SUZ12: variants seen among roughly 807,000 people sequenced by gnomAD.
SUZ12 encodes the protein SUZ12 polycomb repressive complex 2 subunit, also known as polycomb protein SUZ12.
Under a neutral mutation model 87.3 loss-of-function variants are expected in SUZ12, and 17 were observed. The observed-to-expected ratio is 0.19, with a 90% CI of 0.13 to 0.29. The LOEUF is 0.29. SUZ12 is among the 10% of genes least tolerant of loss of function. The pLI is 1.00. For synonymous variants in SUZ12, 253 were observed against 312.4 expected, an observed-to-expected ratio of 0.81 and a Z score of 2.01; for missense variants, 526 against 912.2, an observed-to-expected ratio of 0.58 and a Z score of 5.45.
At chr17:31,941,933 A>G (rs1357680424) in intron 3 of SUZ12, among the ~76,000 whole-genome samples, 3 of 151,560 alleles carry the variant, frequency 2.0e-5, no homozygotes, top group Non-Finnish European at 4.4e-5. Context: ...GCTCACTGCA[A>G]CCTCCGCTTC....
chr17:31,998,643 G>C lies in SUZ12; in HGVS notation c.1875-15G>C. On this transcript the variant is annotated splice_polypyrimidine_tract_variant and intron_variant, in intron 15 of 15. Coordinates refer to ENST00000322652, the MANE Select transcript of SUZ12 (RefSeq NM_015355.4). ...TGCTTTGTATTGCTATTCATATTCT[G>C]TTTTTATTAAATAGGTTTATTGCTG... is the stretch of plus-strand genomic sequence containing the variant. The C allele has an allele frequency of 6.6e-7, 1 of 1,514,878 alleles. No homozygotes were observed. The highest frequency in any genetic ancestry group is 8.8e-7 in the Non-Finnish European group (1 of 1,133,560). The allele number at this position is 1,514,878 out of a possible 1,614,324, so 93.8% of individuals were successfully genotyped here. A position where few individuals can be genotyped will look rare whatever the true frequency, so the allele number is the denominator to read the frequency against.
intron 1 of SUZ12, among the ~76,000 whole-genome samples, chr17:31,939,631 C>CTCCTTGA (rs1361487395): frequency 6.6e-6 from 1 of 151,684 alleles, no homozygotes; most frequent in African/African-American, 2.4e-5. Flanking sequence ...TCAAGTGATT[C>CTCCTTGA]TCCTGCCTCA....
At chr17:31,955,408 A>G (rs907549465) in intron 4 of SUZ12, among the ~76,000 whole-genome samples, 19 of 152,086 alleles carry the variant, frequency 1.2e-4, no homozygotes, top group African/African-American at 3.4e-4. Flanking sequence ...CAGCCTACCG[A>G]ATAGCCTAGG....
At chr17:31,941,669 C>T (rs1322989387) in intron 3 of SUZ12, among the ~76,000 whole-genome samples, 1 of 151,734 alleles carries the variant, frequency 6.6e-6, no homozygotes, top group Non-Finnish European at 1.5e-5. Context: ...CCTCCTTCAG[C>T]CTCCTTAGTA....
intron 1 of SUZ12, among the ~76,000 whole-genome samples, chr17:31,938,055 A>AT (rs977769311): frequency 1.3e-5 from 2 of 151,482 alleles, no homozygotes; most frequent in Admixed American, 1.3e-4. Context: ...CTATCCACCC[A>AT]TTTTGTGGAT....
chr17:31,945,156 T>G (rs955638547), intron 3 of SUZ12, among the ~76,000 whole-genome samples: 4 of 151,942 alleles, frequency 2.6e-5, no homozygotes, highest in Admixed American at 6.6e-5. Flanking sequence ...ATTAAGAAAT[T>G]AAAGCACAAC....
chr17:31,986,741 G>A (rs569686734), intron 9 of SUZ12, among the ~76,000 whole-genome samples: 12 of 152,182 alleles, frequency 7.9e-5, no homozygotes, highest in Non-Finnish European at 1.6e-4. Flanking sequence ...TAGTAGAGAC[G>A]GGGTTTCACC....
Position 31,998,930 on chromosome 17 carries a change from A to G in SUZ12, c.2147A>G (p.Asn716Ser), listed in dbSNP as rs115100527. 6.0e-5 allele frequency: 97 copies of G among 1,610,606 alleles called. No individual in the cohort carries two copies. Among genetic ancestry groups the G allele is most frequent in the Non-Finnish European group, 7.8e-5 (92 of 1,179,112 alleles). ...ACAGCAAATGGATTTAGTGAAATTA[A>G]CTCAAAAGAGAAAGCTTTGGAAACA... ...NGTANGFSEI[N>S]SKEKALETDS... Residue 716 changes from asparagine to serine, a missense_variant, in exon 16 of 16, where the codon AAC becomes AGC. Physicochemically the swap from Asn to Ser is conservative, Grantham distance 46. Coordinates refer to ENST00000322652, the MANE Select transcript of SUZ12 (RefSeq NM_015355.4).
At chr17:31,993,796 T>C (rs991956071) in intron 11 of SUZ12, 69 bp from the exon 12 acceptor site, 4 of 1,438,472 alleles carry the variant, frequency 2.8e-6, no homozygotes, top group Non-Finnish European at 3.8e-6. Context: ...TTTTTAGAAG[T>C]GATATTTAAA....
Position 31,937,454 on chromosome 17 carries a change from C to T in SUZ12, c.208C>T (p.Pro70Ser). 1 of 1,541,658 alleles carries T rather than the reference C, an allele frequency of 6.5e-7. No individual in the cohort carries two copies. Among genetic ancestry groups the T allele is most frequent in the Non-Finnish European group, 8.7e-7 (1 of 1,145,260 alleles). ...GGCAGCGGCGGGGGCTGCGGTGTTA[C>T]CGGTGAAGAAGCCGAAAATGGAGCA... ...AAAAAGAAVL[P>S]VKKPKMEHVQ... The change falls in exon 1 of 16, where the codon CCG (proline) becomes TCG (serine). Residue 70 changes from proline (P) to serine (S), a missense_variant. Transcript: ENST00000322652.
At chr17:31,955,924 G>A (rs1291988226) in intron 4 of SUZ12, among the ~76,000 whole-genome samples, 1 of 151,028 alleles carries the variant, frequency 6.6e-6, no homozygotes, top group Non-Finnish European at 1.5e-5. Flanking sequence ...ATTATTTTTT[G>A]TTTTTGAGAT....
intron 4 of SUZ12, among the ~76,000 whole-genome samples, chr17:31,959,235 T>A (rs1907555098): frequency 6.6e-6 from 1 of 152,226 alleles, no homozygotes; most frequent in Non-Finnish European, 1.5e-5. Flanking sequence ...ATACTTACTC[T>A]TGAAGGTGCC....
chr17:31,945,974 CTT>C (rs1338183347), intron 3 of SUZ12, among the ~76,000 whole-genome samples: 1 of 152,222 alleles, frequency 6.6e-6, no homozygotes, highest in South Asian at 2.1e-4. Context: ...TTTTTTCTCT[CTT>C]ATCTGTGGAG....
At position 31,983,261 on chromosome 17, in the gene SUZ12, G is replaced by A. The variant is rs76644941; in HGVS notation, c.1023+157G>A. On this transcript the variant is annotated intron_variant, in intron 9 of 15. Coordinates refer to ENST00000322652, the MANE Select transcript of SUZ12 (RefSeq NM_015355.4). ...AAATGATCTAGTCAGAGCATTTAAC[G>A]GAAGGTATCATTCTTTTTTTTTTTT... Among the ~76,000 whole-genome samples the A allele has an allele frequency of 4.8e-4, 72 of 150,150 alleles. 1 individual carries two copies. The East Asian group carries it at 7.2e-3, about 15-fold the overall frequency.
chr17:31,993,275 CAAG>C lies in SUZ12; in HGVS notation c.1238_1240del (p.Arg413del), dbSNP rs1269564910. On this transcript the variant is annotated inframe_deletion, in exon 11 of 16. Transcript: ENST00000322652. ...GAATCATTGACTACAGATCTACAAA[CAAG>C]AAAAGAAAAGGATACTCCAAATGAA... 1 of 1,585,974 alleles carries C rather than the reference CAAG, an allele frequency of 6.3e-7. No homozygotes were observed. Among genetic ancestry groups the C allele is most frequent in the Admixed American group, 1.9e-5 (1 of 51,628 alleles).
intron 1 of SUZ12, among the ~76,000 whole-genome samples, chr17:31,938,943 T>C (rs1906105200): frequency 6.6e-6 from 1 of 152,218 alleles, no homozygotes; most frequent in East Asian, 1.9e-4. Flanking sequence ...TTGAATGTAA[T>C]TATTCACATA....
rs1305531461 is a variant in SUZ12, at chr17:31,937,408, C to T, written c.162C>T (p.Ala54=). ...GSCGGGGSYS[A]SSSSSAAAAA... ...GTGGAGGGGGTGGCAGTTACTCGGC[C>T]TCCTCCTCCTCCTCCGCGGCGGCAG... The change falls in exon 1 of 16, where the codon GCC becomes GCT. Residue 54 remains alanine, a synonymous_variant. Coordinates refer to ENST00000322652, the MANE Select transcript of SUZ12 (RefSeq NM_015355.4). 1.3e-6 allele frequency: 2 copies of T among 1,505,728 alleles called. No individual in the cohort carries two copies. The highest frequency in any genetic ancestry group is 8.9e-7 in the Non-Finnish European group (1 of 1,127,064). 93.3% of individuals were successfully genotyped at this position (1,505,728 alleles called of 1,614,324 possible). A position where few individuals can be genotyped will look rare whatever the true frequency, so the allele number is the denominator to read the frequency against.
At chr17:31,975,854 G>A in intron 7 of SUZ12, 141 bp downstream of exon 7, 1 of 669,620 alleles carries the variant, frequency 1.5e-6, no homozygotes, top group Non-Finnish European at 2.4e-6. Context: ...ACATTTTGTT[G>A]TGCAAATTTT....
At chr17:31,973,817 G>A (rs1206574849) in intron 6 of SUZ12, among the ~76,000 whole-genome samples, 1 of 152,168 alleles carries the variant, frequency 6.6e-6, no homozygotes, top group Non-Finnish European at 1.5e-5. Flanking sequence ...AGCTGGTCTG[G>A]GTCCAGGGTC....
Sources: gnomAD v4.1 joint callset for allele counts (sites outside exome capture counted in the v4.1 genomes callset) on GRCh38, gnomAD v4.1.1 for gene constraint, MANE v1.5 for transcripts, NCBI Gene and HGNC (gene_info 2026-07-23, HGNC 2026-07-21) for gene names.